Variants in SLC36A1 observed in about 807,000 individuals in gnomAD.
SLC36A1 encodes solute carrier family 36 member 1, also known as proton-coupled amino acid transporter 1.
SLC36A1 carries 30 observed loss-of-function variants against 47.5 expected under a neutral mutation model. The observed-to-expected ratio is 0.63, with a 90% confidence interval of 0.47 to 0.86. The LOEUF is 0.86. SLC36A1 is among the 40% of genes least tolerant of loss of function. SLC36A1 has a pLI of 0.00. For missense variants in SLC36A1, 517 were observed against 606.0 expected (o/e 0.85, Z 1.54); for synonymous variants, 255 against 249.7 (o/e 1.02, Z -0.20).
the SLC36A1 span, among the ~76,000 whole-genome samples, chr5:151,549,933 C>T: frequency 6.6e-6 from 1 of 152,154 alleles, no homozygotes; most frequent in Non-Finnish European, 1.5e-5. Context: ...GTATTATATG[C>T]CCAGAGGATG....
chr5:151,484,746 T>C (rs1292833763), intron 10 of SLC36A1, among the ~76,000 whole-genome samples: 1 of 152,232 alleles, frequency 6.6e-6, no homozygotes, highest in East Asian at 1.9e-4. Context: ...TGATATCGTT[T>C]GACCATCCTG....
the SLC36A1 span, among the ~76,000 whole-genome samples, chr5:151,349,970 G>C: frequency 6.6e-6 from 1 of 152,260 alleles, no homozygotes; most frequent in African/African-American, 2.4e-5. Context: ...TAATAGATTA[G>C]AGAACCAAGG....
chr5:151,550,916 G>T, the SLC36A1 span: 1 of 1,586,906 alleles, frequency 6.3e-7, no homozygotes, highest in Non-Finnish European at 8.6e-7. Flanking sequence ...AGCCCCAGGG[G>T]AACAGGGACT....
At chr5:151,541,372 A>AT in the SLC36A1 span, among the ~76,000 whole-genome samples, 1 of 152,206 alleles carries the variant, frequency 6.6e-6, no homozygotes, top group Non-Finnish European at 1.5e-5. Context: ...TTATCCTGAG[A>AT]TTTTAAGACT....
the SLC36A1 span, among the ~76,000 whole-genome samples, chr5:151,375,520 T>A: frequency 6.6e-6 from 1 of 152,276 alleles, no homozygotes; most frequent in Non-Finnish European, 1.5e-5. Flanking sequence ...TTCTTTTTGC[T>A]TTGGATGCTT....
chr5:151,516,660 C>G, the SLC36A1 span, among the ~76,000 whole-genome samples: 1 of 152,176 alleles, frequency 6.6e-6, no homozygotes, highest in Non-Finnish European at 1.5e-5. Flanking sequence ...AGTCTCTCCC[C>G]CATAGAACAA....
chr5:151,498,931 G>T, the SLC36A1 span, among the ~76,000 whole-genome samples: 3 of 152,202 alleles, frequency 2.0e-5, no homozygotes, highest in African/African-American at 4.8e-5. Flanking sequence ...CGCTGGAGAC[G>T]TGGCTGCTCG....
the SLC36A1 span, among the ~76,000 whole-genome samples, chr5:151,413,929 G>A: frequency 6.6e-6 from 1 of 151,954 alleles, no homozygotes; most frequent in African/African-American, 2.4e-5. Context: ...AGATCTAAGT[G>A]AACACAGTGC....
the SLC36A1 span, among the ~76,000 whole-genome samples, chr5:151,408,925 G>A: frequency 6.6e-5 from 10 of 152,034 alleles, no homozygotes; most frequent in Non-Finnish European, 1.3e-4. Flanking sequence ...TCCAACCAGG[G>A]GAGTAGTAAG....
the SLC36A1 span, among the ~76,000 whole-genome samples, chr5:151,539,758 G>T: frequency 2.6e-4 from 39 of 152,176 alleles, no homozygotes; most frequent in African/African-American, 8.4e-4. Context: ...AGCAATTGTT[G>T]GTTTATGCCT....
At chr5:151,463,721 C>A in intron 3 of SLC36A1, 78 bp downstream of exon 3, 1 of 1,108,368 alleles carries the variant, frequency 9.0e-7, no homozygotes, top group Non-Finnish European at 1.4e-6. Flanking sequence ...AATGTACTTG[C>A]TTTAAAACAT....
chr5:151,507,273 G>C, the SLC36A1 span: 2 of 1,614,040 alleles, frequency 1.2e-6, no homozygotes, highest in African/African-American at 2.7e-5. Flanking sequence ...CTTAGAATTG[G>C]GTCCAAATGT....
intron 5 of SLC36A1, among the ~76,000 whole-genome samples, chr5:151,466,821 C>T (rs994776132): frequency 2.0e-5 from 3 of 152,050 alleles, no homozygotes; most frequent in Non-Finnish European, 4.4e-5. Context: ...GCATTCCAGA[C>T]GAGAAGCCAG....
the SLC36A1 span, among the ~76,000 whole-genome samples, chr5:151,522,485 G>C: frequency 6.6e-6 from 1 of 152,206 alleles, no homozygotes; most frequent in Non-Finnish European, 1.5e-5. Context: ...CATGCACCCT[G>C]CTCAGCCTAC....
intron 9 of SLC36A1, among the ~76,000 whole-genome samples, chr5:151,477,262 A>G (rs769699242): frequency 1.3e-5 from 2 of 152,168 alleles, no homozygotes; most frequent in Non-Finnish European, 2.9e-5. Flanking sequence ...GAAAGGGTGA[A>G]TGTCCCAGGG....
At chr5:151,521,448 C>G in the SLC36A1 span, 29 of 1,614,096 alleles carry the variant, frequency 1.8e-5, no homozygotes, top group South Asian at 3.2e-4. Context: ...GCATCTGAAC[C>G]CCCACTGAAT....
chr5:151,362,090 T>A, the SLC36A1 span, among the ~76,000 whole-genome samples: 1 of 152,204 alleles, frequency 6.6e-6, no homozygotes, highest in Non-Finnish European at 1.5e-5. Flanking sequence ...GATCTTCTTA[T>A]ACCTGAATAT....
the SLC36A1 span, among the ~76,000 whole-genome samples, chr5:151,518,853 T>G: frequency 2.0e-5 from 3 of 152,104 alleles, no homozygotes; most frequent in Non-Finnish European, 2.9e-5. Context: ...TTAAAAAATA[T>G]CCACCCTCCC....
the SLC36A1 span, among the ~76,000 whole-genome samples, chr5:151,513,768 TTTAA>T: frequency 1.8e-4 from 27 of 152,240 alleles, no homozygotes; most frequent in African/African-American, 2.7e-4. Context: ...AAAAAAATTA[TTTAA>T]TTAATTAAGG....
Sources: gnomAD v4.1 joint callset for allele counts (sites outside exome capture counted in the v4.1 genomes callset) on GRCh38, gnomAD v4.1.1 for gene constraint, MANE v1.5 for transcripts, NCBI Gene and HGNC (gene_info 2026-07-23, HGNC 2026-07-21) for gene names.